Variants in MYO5C observed in about 807,000 individuals in gnomAD.
The protein encoded by MYO5C is myosin VC, also known as unconventional myosin-Vc.
MYO5C carries 194 observed loss-of-function variants against 235.7 expected under a neutral mutation model. That is an observed-to-expected ratio of 0.82 (90% CI 0.73 to 0.93). MYO5C has a LOEUF of 0.93. Ranked by LOEUF, MYO5C falls within the 40% of genes least tolerant of loss-of-function variation. The pLI is 0.00. For synonymous variants in MYO5C, 707 were observed against 754.8 expected (o/e 0.94, Z 1.04); for missense variants, 2,038 against 2,127.2 (o/e 0.96, Z 0.82).
intron 1 of MYO5C, among the ~76,000 whole-genome samples, chr15:52,288,468 C>G (rs1201948976): frequency 6.6e-6 from 1 of 152,294 alleles, no homozygotes; most frequent in East Asian, 1.9e-4. Context: ...CCGCCCACAC[C>G]CTGCGATCCT....
rs1354827423 is a variant in MYO5C at position 52,282,785 on chromosome 15, T to C, written c.135A>G (p.Gly45=). ...TGTGAACAGCAAGGACCCTCACCGT[T>C]CCATCCTCCAGCAGGAGTCGCAGGA... ...DKVLRLLLED[G]TELDYSVNPE... The change falls in exon 2 of 41, where the codon GGA becomes GGG. Residue 45 remains glycine, a synonymous_variant. Transcript: ENST00000261839. The C allele has an allele frequency of 6.2e-7, 1 of 1,604,850 alleles. No individual in the cohort carries two copies. Among genetic ancestry groups the C allele is most frequent in the Non-Finnish European group, 8.5e-7 (1 of 1,171,740 alleles).
intron 13 of MYO5C, chr15:52,250,872 T>C (rs889154141): frequency 6.6e-6 from 1 of 152,162 alleles, no homozygotes; most frequent in Non-Finnish European, 1.5e-5. Context: ...AATGTGATTT[T>C]AACAAAAATT....
intron 4 of MYO5C, among the ~76,000 whole-genome samples, chr15:52,278,346 A>AT (rs1475401338): frequency 1.3e-5 from 2 of 152,138 alleles, no homozygotes; most frequent in Admixed American, 6.5e-5. Context: ...GCCATCCCAG[A>AT]TGACACATGG....
chr15:52,246,411 T>C (rs1466857922), intron 16 of MYO5C, among the ~76,000 whole-genome samples: 1 of 152,188 alleles, frequency 6.6e-6, no homozygotes, highest in Non-Finnish European at 1.5e-5. Flanking sequence ...CTCTGCAGCT[T>C]AGGTCTCACC....
At chr15:52,201,541 C>A (rs376997898) in intron 38 of MYO5C, among the ~76,000 whole-genome samples, 1 of 151,960 alleles carries the variant, frequency 6.6e-6, no homozygotes, top group Non-Finnish European at 1.5e-5. Context: ...TTTCTTCAGG[C>A]AGAAGGAAAA....
At chr15:52,235,804 C>T in intron 22 of MYO5C, 41 bp from the exon 23 acceptor site, 2 of 1,396,638 alleles carry the variant, frequency 1.4e-6, no homozygotes, top group Non-Finnish European at 1.0e-6. Context: ...TTTTGAAAAC[C>T]TCACTTCAAG....
chr15:52,244,552 G>A lies in MYO5C; in HGVS notation c.2194C>T (p.Gln732Ter). 5 of 1,609,904 alleles carry A rather than the reference G, an allele frequency of 3.1e-6. No individual in the cohort carries two copies. The highest frequency in any genetic ancestry group is 4.2e-6 in the Non-Finnish European group (5 of 1,176,946). The part of the protein sequence containing the change: ...HRLIQDSNQY[Q>*]FGKTKIFFRA... Reference sequence around the variant, plus strand: ...AAGAAAATTTTGGTTTTACCAAACTGGTACTGATTAGAATCCTGGAAGAGA... The same window carrying A: ...AAGAAAATTTTGGTTTTACCAAACTAGTACTGATTAGAATCCTGGAAGAGA... The change falls in exon 19 of 41, where the codon CAG (glutamine) becomes TAG (stop). Residue 732 changes from glutamine (Q) to a stop codon, truncating the protein, a stop_gained. Coordinates refer to ENST00000261839, the MANE Select transcript of MYO5C (RefSeq NM_018728.4). LOFTEE classifies it high-confidence loss of function.
In MYO5C at chr15:52,233,278, C is replaced by CAA. The variant is rs1192361967; in HGVS notation, c.2963-595_2963-594dup. Reference sequence around the variant, plus strand: ...TGGGCGACAGAGCGAGACTCCGTCTCAAAAAAAAAAAAAAAAAAATTAAAA... The same window carrying CAA: ...TGGGCGACAGAGCGAGACTCCGTCTCAAAAAAAAAAAAAAAAAAAAATTAAAA... On this transcript the variant is annotated intron_variant, in intron 23 of 40. Transcript: ENST00000261839. 4.8e-4 allele frequency among the ~76,000 whole-genome samples: 2 copies of CAA among 4,194 alleles called. 1 individual carries two copies. Among genetic ancestry groups the CAA allele is most frequent in the Non-Finnish European group, 5.4e-3 (2 of 372 alleles). 2.8% of individuals were successfully genotyped at this position (4,194 alleles called of 152,430 possible).
At position 52,229,297 on chromosome 15, in the gene MYO5C, A is replaced by C; in HGVS notation, c.3043T>G (p.Phe1015Val). Residue 1015 changes from phenylalanine to valine, a missense_variant, in exon 25 of 41, where the codon TTT becomes GTT. Physicochemically the swap from Phe to Val is conservative, Grantham distance 50. Coordinates refer to ENST00000261839, the MANE Select transcript of MYO5C (RefSeq NM_018728.4). The part of the protein sequence containing the change: ...ERQRMLLEKS[F>V]ELKTQDYEKQ... ...TCATAGTCTTGTGTTTTCAGTTCAA[A>C]ACTTTTTTCAAGAAGCCTACGCAGC... 6.2e-7 allele frequency: 1 copy of C among 1,613,476 alleles called. No individual in the cohort carries two copies. The highest frequency in any genetic ancestry group is 8.5e-7 in the Non-Finnish European group (1 of 1,179,968).
Position 52,245,546 on chromosome 15 carries a change from C to G in MYO5C, c.2067-81G>C. ...GGGGACTCCGCTGCCTTACCTGCCACTGTTGTCATAGGGCGGGGGTGGTGC... is the reference window on the plus strand; with the variant it reads ...GGGGACTCCGCTGCCTTACCTGCCAGTGTTGTCATAGGGCGGGGGTGGTGC... On this transcript the variant is annotated intron_variant, in intron 17 of 40. Transcript: ENST00000261839. 3.1e-6 allele frequency: 3 copies of G among 960,008 alleles called. No individual in the cohort carries two copies. In the South Asian group the frequency reaches 3.9e-5, roughly 12 times the overall value. The allele number at this position is 960,008 out of a possible 1,614,324, so 59.5% of individuals were successfully genotyped here. A position where few individuals can be genotyped will look rare whatever the true frequency, so the allele number is the denominator to read the frequency against.
chr15:52,246,036 G>A lies in MYO5C; in HGVS notation c.1986C>T (p.Asp662=), dbSNP rs1397728578. Residue 662 remains aspartate (D), a synonymous_variant, in exon 17 of 41, where the codon GAC becomes GAT. Transcript: ENST00000261839. ...PNDEKLPFEF[D]SKRIVQQLRA... is the part of the protein sequence containing the mutation. ...GCAGCTGCTGAACAATTCTTTTGGA[G>A]TCAAATCTTTAAAAAGACAATGATA... The A allele has an allele frequency of 9.9e-6, 16 of 1,613,768 alleles. No homozygotes were observed. The highest frequency in any genetic ancestry group is 1.4e-5 in the Non-Finnish European group (16 of 1,179,736).
chr15:52,199,600 TC>T (rs961769910), intron 38 of MYO5C, among the ~76,000 whole-genome samples: 3 of 152,038 alleles, frequency 2.0e-5, no homozygotes, highest in African/African-American at 7.2e-5. Flanking sequence ...AACAAAGAGC[TC>T]CAGGGGAGCT....
chr15:52,236,061 C>T (rs111357277), intron 22 of MYO5C, among the ~76,000 whole-genome samples: 95 of 152,312 alleles, frequency 6.2e-4, no homozygotes, highest in African/African-American at 2.2e-3. Flanking sequence ...TTCCTTTTGT[C>T]GAGCTTCTCA....
Position 52,221,212 on chromosome 15 carries a change from T to G in MYO5C, c.3671A>C (p.Gln1224Pro). 1 of 1,613,364 alleles carries G rather than the reference T, an allele frequency of 6.2e-7. No individual in the cohort carries two copies. The highest frequency in any genetic ancestry group is 8.5e-7 in the Non-Finnish European group (1 of 1,179,606). Residue 1224 changes from glutamine to proline, a missense_variant, in exon 30 of 41, where the codon CAG becomes CCG. Coordinates refer to ENST00000261839, the MANE Select transcript of MYO5C (RefSeq NM_018728.4). ...FKQQISELEKQKQDLEIRLNE... is the reference protein window; with the variant it reads ...FKQQISELEKPKQDLEIRLNE... Reference sequence around the variant, plus strand: ...CAGGCGGATTTCAAGATCTTGCTTCTGTTTCTCCAATTCTGAAATTTGCTG... The same window carrying G: ...CAGGCGGATTTCAAGATCTTGCTTCGGTTTCTCCAATTCTGAAATTTGCTG...
intron 24 of MYO5C, among the ~76,000 whole-genome samples, chr15:52,231,521 C>A (rs965025483): frequency 5.9e-5 from 9 of 152,166 alleles, no homozygotes; most frequent in Non-Finnish European, 1.3e-4. Flanking sequence ...TTATATTTTT[C>A]TAGGTAAATG....
intron 34 of MYO5C, among the ~76,000 whole-genome samples, chr15:52,212,135 T>C (rs771230621): frequency 2.6e-5 from 4 of 152,230 alleles, no homozygotes; most frequent in Non-Finnish European, 4.4e-5. Context: ...AGAGACAGAA[T>C]CTTTATTTTT....
At chr15:52,206,533 T>C (rs2035318403) in intron 36 of MYO5C, among the ~76,000 whole-genome samples, 1 of 152,076 alleles carries the variant, frequency 6.6e-6, no homozygotes. Flanking sequence ...TTGATGTCCT[T>C]ATAAGAAGAG....
chr15:52,204,960 C>A lies in MYO5C; in HGVS notation c.4725G>T (p.Ala1575=). Residue 1575 remains alanine, a synonymous_variant, in exon 38 of 41, where the codon GCG becomes GCT. Transcript: ENST00000261839. ...CGATCAAGAAGAAGAGCTGCTTCAC[C>A]GCCTGCCTCACAAGCTCGGGGTCCA... is the stretch of plus-strand genomic sequence containing the variant. ...NGLDPELVRQ[A]VKQLFFLIGA... The A allele has an allele frequency of 6.2e-7, 1 of 1,614,238 alleles. No individual in the cohort carries two copies. Among genetic ancestry groups the A allele is most frequent in the East Asian group, 2.2e-5 (1 of 44,876 alleles).
chr15:52,245,258 T>G, intron 18 of MYO5C, 96 bp downstream of exon 18: 3 of 879,384 alleles, frequency 3.4e-6, no homozygotes, highest in Non-Finnish European at 5.8e-6. Context: ...TGTTCATGAT[T>G]ACAGTCCTGA....
Sources: allele counts gnomAD v4.1 joint callset (sites outside exome capture counted in the v4.1 genomes callset), GRCh38; gene constraint gnomAD v4.1.1; transcripts MANE v1.5; gene names NCBI Gene and HGNC (gene_info 2026-07-23, HGNC 2026-07-21).